FAM135A: variants seen among roughly 807,000 people sequenced by gnomAD.
The protein encoded by FAM135A is family with sequence similarity 135 member A.
Under a neutral mutation model 146.8 loss-of-function variants are expected in FAM135A, and 79 were observed. The observed-to-expected ratio is 0.54, with a 90% CI of 0.45 to 0.65. The LOEUF is 0.65. FAM135A is among the 30% of genes least tolerant of loss of function. The pLI is 0.00. For synonymous variants in FAM135A, 562 were observed against 603.6 expected (o/e 0.93, Z 1.01); for missense variants, 1,623 against 1,758.2 (o/e 0.92, Z 1.38).
intron 13 of FAM135A, among the ~76,000 whole-genome samples, chr6:70,523,764 A>G (rs1420689690): frequency 1.3e-5 from 2 of 152,188 alleles, no homozygotes; most frequent in Non-Finnish European, 2.9e-5. Context: ...CTGTAATTTA[A>G]TAAGTCAATA....
At chr6:70,512,983 T>C (rs1188130852) in intron 12 of FAM135A, among the ~76,000 whole-genome samples, 2 of 149,100 alleles carry the variant, frequency 1.3e-5, no homozygotes, top group African/African-American at 2.5e-5. Context: ...TCAAGATTCT[T>C]TCTTTTTTTT....
At position 70,525,072 on chromosome 6, in the gene FAM135A, A is replaced by G; in HGVS notation, c.1988A>G (p.Asn663Ser). Reference protein sequence around the residue: ...GVRTIEIKPSNKDPFSGENIT... With the variant: ...GVRTIEIKPSSKDPFSGENIT... ...AGAACAATTGAAATAAAGCCCAGTA[A>G]TAAAGATCCTTTCAGTGGAGAGAAT... Residue 663 changes from asparagine to serine, a missense_variant, in exon 15 of 22, where the codon AAT (asparagine) becomes AGT (serine). By Grantham distance (46) the Asn-to-Ser change is conservative. This residue lies in a region of FAM135A where 1,061 missense variants were observed against 1,113.8 expected (regional missense o/e 0.95). Coordinates refer to ENST00000418814, the MANE Select transcript of FAM135A (RefSeq NM_001162529.3). 2.5e-6 allele frequency: 4 copies of G among 1,582,202 alleles called. No homozygotes were observed. Among genetic ancestry groups the G allele is most frequent in the South Asian group, 1.2e-5 (1 of 83,844 alleles).
At chr6:70,427,301 G>T (rs1770394953) in intron 3 of FAM135A, among the ~76,000 whole-genome samples, 1 of 152,116 alleles carries the variant, frequency 6.6e-6, no homozygotes, top group Non-Finnish European at 1.5e-5. Context: ...GGAGGCTGAG[G>T]TGAGCAGATC....
intron 4 of FAM135A, 35 bp downstream of exon 4, chr6:70,428,454 A>G (rs766683072): frequency 6.8e-7 from 1 of 1,468,358 alleles, no homozygotes; most frequent in Non-Finnish European, 9.4e-7. Flanking sequence ...TATATTTTGC[A>G]TAAGATGTAC....
chr6:70,467,541 A>T (rs1419006232), intron 5 of FAM135A, among the ~76,000 whole-genome samples: 1 of 152,026 alleles, frequency 6.6e-6, no homozygotes, highest in Middle Eastern at 3.2e-3. Flanking sequence ...AAGGTGGATC[A>T]TCTTTACTGG....
intron 12 of FAM135A, among the ~76,000 whole-genome samples, chr6:70,506,261 G>T (rs1789747038): frequency 1.3e-5 from 2 of 152,170 alleles, no homozygotes; most frequent in South Asian, 4.1e-4. Flanking sequence ...CTATAAAGAG[G>T]TGAGGTGAAT....
chr6:70,533,145 T>C lies in FAM135A; in HGVS notation c.3776-15T>C. 1.3e-6 allele frequency: 2 copies of C among 1,598,634 alleles called. No individual in the cohort carries two copies. The highest frequency in any genetic ancestry group is 1.1e-5 in the South Asian group (1 of 90,434). Reference sequence around the variant, plus strand: ...ACTTTATCTCATCCTTTAAACATCATTTTTCATTTTTTAGGAAACAGTGCA... The same window carrying C: ...ACTTTATCTCATCCTTTAAACATCACTTTTCATTTTTTAGGAAACAGTGCA... On this transcript the variant is annotated splice_polypyrimidine_tract_variant and intron_variant, in intron 16 of 21. Coordinates refer to ENST00000418814, the MANE Select transcript of FAM135A (RefSeq NM_001162529.3).
chr6:70,551,684 T>C (rs755810505), intron 20 of FAM135A, among the ~76,000 whole-genome samples: 1 of 152,140 alleles, frequency 6.6e-6, no homozygotes, highest in Non-Finnish European at 1.5e-5. Flanking sequence ...TGTGGGGTTA[T>C]TGATCAGTCC....
intron 10 of FAM135A, among the ~76,000 whole-genome samples, chr6:70,482,895 A>AT (rs1783989459): frequency 6.6e-6 from 1 of 151,206 alleles, no homozygotes; most frequent in Non-Finnish European, 1.5e-5. Context: ...AGCTTATAAA[A>AT]ATATATTTTA....
chr6:70,413,871 C>A (rs1204141298), intron 1 of FAM135A, 169 bp downstream of exon 1: 1 of 985,298 alleles, frequency 1.0e-6, no homozygotes, highest in Admixed American at 6.1e-5. Context: ...GCCCCGGCCC[C>A]GTTGAAGGTC....
At position 70,526,033 on chromosome 6, in the gene FAM135A, C is replaced by T; in HGVS notation, c.2949C>T (p.Ser983=). ...CLGTPCVISG[S]ISSNTDVSED... Reference sequence around the variant, plus strand: ...GCACTCCTTGTGTCATTTCAGGTTCCATTTCTAGTAATACAGATGTTAGTG... The same window carrying T: ...GCACTCCTTGTGTCATTTCAGGTTCTATTTCTAGTAATACAGATGTTAGTG... The change falls in exon 15 of 22, where the codon TCC becomes TCT. Residue 983 remains serine, a synonymous_variant. Transcript: ENST00000418814. 6.2e-7 allele frequency: 1 copy of T among 1,611,792 alleles called. No individual in the cohort carries two copies. The highest frequency in any genetic ancestry group is 2.2e-5 in the East Asian group (1 of 44,840).
intron 20 of FAM135A, among the ~76,000 whole-genome samples, chr6:70,540,204 A>G (rs1449127573): frequency 6.6e-6 from 1 of 151,272 alleles, no homozygotes; most frequent in Admixed American, 6.6e-5. Flanking sequence ...CCACGGCTAC[A>G]CTGTAGTCCT....
chr6:70,501,720 G>A (rs1788592217), intron 11 of FAM135A, among the ~76,000 whole-genome samples: 1 of 152,152 alleles, frequency 6.6e-6, no homozygotes, highest in Admixed American at 6.5e-5. Flanking sequence ...GCTTTGCTTG[G>A]CTTGGGGAGG....
chr6:70,528,287 T>C lies in FAM135A; in HGVS notation c.3615-5T>C. 1.2e-6 allele frequency: 2 copies of C among 1,602,614 alleles called. No individual in the cohort carries two copies. Among genetic ancestry groups the C allele is most frequent in the South Asian group, 1.1e-5 (1 of 88,550 alleles). ...GTAAAGAGTATCTTTTGTATTTTGC[T>C]TCAGCTTCCTTCAGGCAAAAGAAGA... is the stretch of plus-strand genomic sequence containing the variant. On this transcript the variant is annotated splice_polypyrimidine_tract_variant and splice_region_variant and intron_variant, in intron 15 of 21. Transcript: ENST00000418814.
At chr6:70,507,829 A>G (rs1790127925) in intron 12 of FAM135A, among the ~76,000 whole-genome samples, 1 of 152,116 alleles carries the variant, frequency 6.6e-6, no homozygotes, top group Non-Finnish European at 1.5e-5. Context: ...ATTTCAAACT[A>G]AAATGGAATG....
intron 2 of FAM135A, among the ~76,000 whole-genome samples, chr6:70,415,910 T>A (rs1767450109): frequency 6.6e-6 from 1 of 152,204 alleles, no homozygotes; most frequent in South Asian, 2.1e-4. Context: ...CCCTAATCAT[T>A]TAAACATGCT....
At chr6:70,480,622 T>G (rs1430683103) in intron 8 of FAM135A, among the ~76,000 whole-genome samples, 1 of 152,198 alleles carries the variant, frequency 6.6e-6, no homozygotes, top group Non-Finnish European at 1.5e-5. Flanking sequence ...GTTTAGCTAC[T>G]CTAAATCCCA....
At chr6:70,510,793 A>G (rs1790817397) in intron 12 of FAM135A, among the ~76,000 whole-genome samples, 1 of 152,044 alleles carries the variant, frequency 6.6e-6, no homozygotes, top group Non-Finnish European at 1.5e-5. Flanking sequence ...TAGGAGTGGA[A>G]TTGCTGAGTC....
chr6:70,499,143 A>C (rs998525690), intron 11 of FAM135A, among the ~76,000 whole-genome samples: 1 of 152,208 alleles, frequency 6.6e-6, no homozygotes, highest in Non-Finnish European at 1.5e-5. Flanking sequence ...AACTTGCTTT[A>C]TGAATCTGGG....
Sources: allele counts gnomAD v4.1 joint callset (sites outside exome capture counted in the v4.1 genomes callset), GRCh38; gene constraint gnomAD v4.1.1; regional missense constraint gnomAD v4.1.1; transcripts MANE v1.5; gene names NCBI Gene and HGNC (gene_info 2026-07-23, HGNC 2026-07-21).